ZBTB11: variants seen among roughly 807,000 people sequenced by gnomAD.
ZBTB11 encodes zinc finger and BTB domain-containing protein 11.
ZBTB11 carries 68 observed loss-of-function variants against 113.1 expected under a neutral mutation model. That is an observed-to-expected ratio of 0.60 (90% CI 0.49 to 0.74). The LOEUF (loss-of-function observed/expected upper bound fraction) is 0.74, where lower values mean the gene tolerates loss of function less well. ZBTB11 is among the 30% of genes least tolerant of loss of function. The pLI, the probability that ZBTB11 is intolerant of heterozygous loss-of-function variation, is 0.00. For synonymous variants in ZBTB11, 518 were observed against 452.6 expected (o/e 1.14, Z -1.83); for missense variants, 1,104 against 1,279.4 (o/e 0.86, Z 2.09).
intron 10 of ZBTB11, among the ~76,000 whole-genome samples, 161 bp from the exon 11 acceptor site, chr3:101,651,844 A>T (rs1224924457): frequency 6.6e-6 from 1 of 152,214 alleles, no homozygotes; most frequent in Non-Finnish European, 1.5e-5. Context: ...AGAATAAAGA[A>T]GATTCTTTGC....
chr3:101,669,234 A>G (rs1437454219), intron 3 of ZBTB11, among the ~76,000 whole-genome samples: 2 of 152,162 alleles, frequency 1.3e-5, no homozygotes, highest in Non-Finnish European at 2.9e-5. Flanking sequence ...GGGTTTCACC[A>G]TGTTGTCCGG....
chr3:101,674,032 CTGT>C (rs1937122481), intron 1 of ZBTB11, among the ~76,000 whole-genome samples: 2 of 102,744 alleles, frequency 1.9e-5, no homozygotes, highest in Non-Finnish European at 3.8e-5. Flanking sequence ...TTCACAGAGA[CTGT>C]TTTTTTTTTT....
At position 101,659,953 on chromosome 3, in the gene ZBTB11, A is replaced by G; in HGVS notation, c.1876T>C (p.Ser626Pro). 1 of 1,614,180 alleles carries G rather than the reference A, an allele frequency of 6.2e-7. No individual in the cohort carries two copies. Among genetic ancestry groups the G allele is most frequent in the Non-Finnish European group, 8.5e-7 (1 of 1,180,028 alleles). Residue 626 changes from serine to proline, a missense_variant, in exon 6 of 11, where the codon TCT becomes CCT. Coordinates refer to ENST00000312938, the MANE Select transcript of ZBTB11 (RefSeq NM_014415.4). Reference sequence around the variant, plus strand: ...GACGTGGAATTGGACGAGGATGAAGAGGGTGCATCTTTTCTGGTATGACGA... The same window carrying G: ...GACGTGGAATTGGACGAGGATGAAGGGGGTGCATCTTTTCTGGTATGACGA... Reference protein sequence around the residue: ...LIRHTRKDAPSSSSSNSTSNE... With the variant: ...LIRHTRKDAPPSSSSNSTSNE...
At chr3:101,670,833 T>C (rs953229730) in intron 3 of ZBTB11, 5 of 301,002 alleles carry the variant, frequency 1.7e-5, no homozygotes, top group Middle Eastern at 9.9e-4. Context: ...TCATTTAATG[T>C]AATAATTTTG....
intron 8 of ZBTB11, 131 bp from the exon 9 acceptor site, chr3:101,653,069 T>C: frequency 3.0e-6 from 3 of 989,082 alleles, no homozygotes; most frequent in Non-Finnish European, 4.3e-6. Flanking sequence ...TCCCTAATTT[T>C]CTAATCTTAC....
In ZBTB11 at chr3:101,676,900, T is replaced by C; in HGVS notation, c.15A>G (p.Glu5=). 1 of 1,577,214 alleles carries C rather than the reference T, an allele frequency of 6.3e-7. No homozygotes were observed. Among genetic ancestry groups the C allele is most frequent in the Non-Finnish European group, 8.6e-7 (1 of 1,157,174 alleles). MSSE[E]SYRAILRYLT... is the part of the protein sequence containing the mutation. ...GGTAACGCAGGATGGCCCGGTAGCT[T>C]TCCTCGCTTGACATCGCGGACCGCG... The change falls in exon 1 of 11, where the codon GAA becomes GAG. Residue 5 remains glutamate, a synonymous_variant. Transcript: ENST00000312938.
intron 3 of ZBTB11, among the ~76,000 whole-genome samples, chr3:101,670,348 C>T (rs137873751): frequency 2.0e-5 from 3 of 152,204 alleles, no homozygotes; most frequent in Non-Finnish European, 4.4e-5. Context: ...GATGAGAAAA[C>T]GTATAAATAA....
chr3:101,658,386 T>C (rs1158053872), intron 6 of ZBTB11, among the ~76,000 whole-genome samples: 1 of 151,888 alleles, frequency 6.6e-6, no homozygotes, highest in East Asian at 1.9e-4. Context: ...CCACCATGCC[T>C]GGCTAATTTT....
intron 5 of ZBTB11, 100 bp downstream of exon 5, chr3:101,664,438 T>C (rs530740164): frequency 6.7e-6 from 8 of 1,200,874 alleles, no homozygotes; most frequent in African/African-American, 6.3e-5. Context: ...CTTATAGCCA[T>C]ATAAGACATA....
At chr3:101,661,118 C>T (rs914760614) in intron 5 of ZBTB11, among the ~76,000 whole-genome samples, 76 of 151,362 alleles carry the variant, frequency 5.0e-4, no homozygotes, top group African/African-American at 1.8e-3. Context: ...CCTGTGGTCC[C>T]AGCTATTTGG....
intron 1 of ZBTB11, among the ~76,000 whole-genome samples, chr3:101,675,284 A>G (rs1213709916): frequency 6.6e-6 from 1 of 152,260 alleles, no homozygotes; most frequent in African/African-American, 2.4e-5. Context: ...TCATTACCTC[A>G]TAATTTAATC....
At chr3:101,653,282 T>C (rs1936737879) in intron 8 of ZBTB11, among the ~76,000 whole-genome samples, 1 of 152,208 alleles carries the variant, frequency 6.6e-6, no homozygotes, top group African/African-American at 2.4e-5. Context: ...ACCCTAGGGA[T>C]AGAGCAAATG....
At chr3:101,663,863 C>A (rs1936934580) in intron 5 of ZBTB11, among the ~76,000 whole-genome samples, 1 of 152,126 alleles carries the variant, frequency 6.6e-6, no homozygotes, top group Admixed American at 6.5e-5. Context: ...GCACTCTAGC[C>A]TGGGTGACAG....
chr3:101,662,474 A>G (rs892646924), intron 5 of ZBTB11, among the ~76,000 whole-genome samples: 2 of 152,080 alleles, frequency 1.3e-5, no homozygotes, highest in African/African-American at 4.8e-5. Flanking sequence ...AAAATACAAA[A>G]TTAGCCGGGT....
chr3:101,676,495 C>T (rs1023609166), intron 1 of ZBTB11, 110 bp downstream of exon 1: 2 of 1,191,582 alleles, frequency 1.7e-6, no homozygotes, highest in Non-Finnish European at 2.2e-6. Context: ...GCTCCGCCGC[C>T]CAGAGGCGTC....
Position 101,664,615 on chromosome 3 carries a change from C to T in ZBTB11, c.1723G>A (p.Gly575Arg). The change falls in exon 5 of 11, where the codon GGA becomes AGA. Residue 575 changes from glycine to arginine, a missense_variant. Transcript: ENST00000312938. ...GCGTATCGTCTCTGAAAAACCATTC[C>T]ACATTCCCCACATTTATGAGATGCT... ...EEASHKCGEC[G>R]MVFQRRYALI... is the part of the protein sequence containing the mutation. 1 of 1,613,864 alleles carries T rather than the reference C, an allele frequency of 6.2e-7. No homozygotes were observed. The highest frequency in any genetic ancestry group is 8.5e-7 in the Non-Finnish European group (1 of 1,179,928).
intron 3 of ZBTB11, among the ~76,000 whole-genome samples, chr3:101,670,410 T>A (rs1303810039): frequency 6.6e-6 from 1 of 152,210 alleles, no homozygotes; most frequent in Non-Finnish European, 1.5e-5. Context: ...TAAGCCAATA[T>A]ATAAATTCTA....
rs981281814 is a variant in ZBTB11, at chr3:101,655,040, G to A, written c.2192-219C>T. Among the ~76,000 whole-genome samples the A allele has an allele frequency of 4.6e-5, 7 of 152,066 alleles. No homozygotes were observed. The South Asian group carries it at 1.2e-3, about 27-fold the overall frequency. ...CTATAGGCACGTGCCACCACACCCA[G>A]CTAATTTTTTGTATTTTTAGTAGAG... On this transcript the variant is annotated intron_variant, in intron 7 of 10. Transcript: ENST00000312938.
chr3:101,671,269 G>A lies in ZBTB11; in HGVS notation c.639C>T (p.Phe213=), dbSNP rs773261825. 2 of 1,614,140 alleles carry A rather than the reference G, an allele frequency of 1.2e-6. No individual in the cohort carries two copies. The highest frequency in any genetic ancestry group is 1.7e-6 in the Non-Finnish European group (2 of 1,180,026). The change falls in exon 3 of 11, where the codon TTC becomes TTT. Residue 213 remains phenylalanine, a synonymous_variant. Coordinates refer to ENST00000312938, the MANE Select transcript of ZBTB11 (RefSeq NM_014415.4). ...CTTCAATTAACAAAGTAACATCACA[G>A]AACTGGTTGGAAAGTCTCTGTTCGT... ...QLNEQRLSNQ[F]CDVTLLIEGE...
Sources: allele counts gnomAD v4.1 joint callset (sites outside exome capture counted in the v4.1 genomes callset), GRCh38; gene constraint gnomAD v4.1.1; transcripts MANE v1.5; gene names NCBI Gene and HGNC (gene_info 2026-07-23, HGNC 2026-07-21).